UTRN: variants seen among roughly 807,000 people sequenced by gnomAD.
UTRN encodes the protein utrophin, also known as dystrophin-related protein 1.
In UTRN, 283 loss-of-function variants were observed where a neutral mutation model predicts 463.9. The ratio of observed to expected loss-of-function variants is 0.61; its 90% CI spans 0.55 to 0.67. The LOEUF (loss-of-function observed/expected upper bound fraction) is 0.67, where lower values mean the gene tolerates loss of function less well. Among genes scored for constraint, UTRN ranks in the 30% least tolerant of loss-of-function variants. The pLI is 0.00. For missense variants in UTRN, 3,922 were observed against 4,084.3 expected (o/e 0.96, Z 1.08); for synonymous variants, 1,442 against 1,431.5 (o/e 1.01, Z -0.17).
intron 51 of UTRN, among the ~76,000 whole-genome samples, chr6:144,629,141 T>A (rs1425911495): frequency 1.3e-5 from 2 of 152,234 alleles, no homozygotes; most frequent in African/African-American, 2.4e-5. Flanking sequence ...TCTTCATTGC[T>A]TACCTTGAAT....
intron 33 of UTRN, among the ~76,000 whole-genome samples, chr6:144,495,051 C>G (rs989903344): frequency 7.9e-5 from 12 of 152,176 alleles, no homozygotes; most frequent in Non-Finnish European, 1.5e-4. Context: ...AGACTCTCCA[C>G]GTCCCCACCA....
At chr6:144,839,046 A>G in intron 71 of UTRN, 127 bp from the exon 72 acceptor site, 1 of 647,090 alleles carries the variant, frequency 1.5e-6, no homozygotes, top group Non-Finnish European at 2.5e-6. Context: ...TATGGAAAAC[A>G]TCTGAAGGCA....
rs1789751893 is a variant in UTRN at position 144,464,667 on chromosome 6, AG to A, written c.3066+1803del. 1.3e-5 allele frequency among the ~76,000 whole-genome samples: 2 copies of A among 151,964 alleles called. 1 individual carries two copies. The highest frequency in any genetic ancestry group is 4.1e-4 in the South Asian group (2 of 4,822). On this transcript the variant is annotated intron_variant, in intron 23 of 74. Coordinates refer to ENST00000367545, the MANE Select transcript of UTRN (RefSeq NM_007124.3). The stretch of plus-strand genomic sequence containing the variant: ...AGGCACATGCCACTATGCCCGGCTA[AG>A]GTTTTATTTTTAGTAGAGATGAGGT...
chr6:144,778,499 A>G (rs1167864001), intron 60 of UTRN, among the ~76,000 whole-genome samples: 1 of 152,096 alleles, frequency 6.6e-6, no homozygotes, highest in Admixed American at 6.5e-5. Flanking sequence ...AAGCAATAAT[A>G]GAAGTAAGAG....
chr6:144,402,204 G>A (rs574521617), intron 2 of UTRN, among the ~76,000 whole-genome samples: 42 of 152,258 alleles, frequency 2.8e-4, no homozygotes, highest in Admixed American at 1.6e-3. Flanking sequence ...CCAGCTCTTC[G>A]TCAAGTGCTT....
chr6:144,524,372 G>T (rs921814297), intron 41 of UTRN, among the ~76,000 whole-genome samples: 2 of 151,438 alleles, frequency 1.3e-5, no homozygotes, highest in Non-Finnish European at 2.9e-5. Context: ...CTATACCCCT[G>T]CCAACAGTAT....
In UTRN at chr6:144,453,608, A is replaced by G. The variant is rs76563055; in HGVS notation, c.2197-174A>G. ...ATAGGAGCTTATAATTATGAGGTAC[A>G]TTTTTTTTCTTACAAAAGAAACCAA... On this transcript the variant is annotated intron_variant, in intron 18 of 74. Coordinates refer to ENST00000367545, the MANE Select transcript of UTRN (RefSeq NM_007124.3). Among the ~76,000 whole-genome samples, 274 of 152,206 alleles carry G rather than the reference A, an allele frequency of 1.8e-3. 2 individuals carry two copies. Among genetic ancestry groups the G allele is most frequent in the African/African-American group, 6.4e-3 (266 of 41,536 alleles).
At chr6:144,640,042 G>A (rs1171790285) in intron 51 of UTRN, among the ~76,000 whole-genome samples, 8 of 151,918 alleles carry the variant, frequency 5.3e-5, no homozygotes, top group Admixed American at 5.2e-4. Context: ...AAGTGTTTTT[G>A]GTTTTGAGAG....
chr6:144,524,987 A>G (rs1191252761), intron 41 of UTRN, among the ~76,000 whole-genome samples: 1 of 152,162 alleles, frequency 6.6e-6, no homozygotes, highest in African/African-American at 2.4e-5. Flanking sequence ...TATGTGGTGT[A>G]TCACATTTAT....
intron 3 of UTRN, among the ~76,000 whole-genome samples, chr6:144,417,550 TTA>T (rs1263016339): frequency 2.4e-4 from 37 of 152,224 alleles, no homozygotes; most frequent in African/African-American, 7.7e-4. Flanking sequence ...CTTGCTATCA[TTA>T]TGTCTAAGAA....
intron 51 of UTRN, among the ~76,000 whole-genome samples, chr6:144,631,955 C>T (rs1776573550): frequency 6.6e-6 from 1 of 152,038 alleles, no homozygotes; most frequent in African/African-American, 2.4e-5. Context: ...ACATTGCTAC[C>T]CTTTGGATGT....
At chr6:144,829,710 A>C (rs1436972276) in intron 69 of UTRN, among the ~76,000 whole-genome samples, 1 of 118,288 alleles carries the variant, frequency 8.5e-6, no homozygotes, top group African/African-American at 2.8e-5. Flanking sequence ...TGTTTTCACT[A>C]AAAAAAAAAA....
intron 2 of UTRN, among the ~76,000 whole-genome samples, chr6:144,321,574 A>T (rs572546502): frequency 1.2e-4 from 17 of 146,012 alleles, no homozygotes; most frequent in Non-Finnish European, 2.2e-4. Context: ...GGTTCAAGCG[A>T]TTCTCCTGCC....
chr6:144,414,150 A>G (rs1237066731), intron 3 of UTRN, among the ~76,000 whole-genome samples: 1 of 151,946 alleles, frequency 6.6e-6, no homozygotes. Context: ...AAAGTTAACT[A>G]CAAAACAGCC....
At chr6:144,483,235 A>T (rs1008715970) in intron 27 of UTRN, among the ~76,000 whole-genome samples, 1 of 152,200 alleles carries the variant, frequency 6.6e-6, no homozygotes, top group Non-Finnish European at 1.5e-5. Flanking sequence ...TATATCATTG[A>T]GGCAAGTTAG....
chr6:144,662,048 CAAAG>C (rs1200485605), intron 51 of UTRN, among the ~76,000 whole-genome samples: 2 of 152,012 alleles, frequency 1.3e-5, no homozygotes, highest in African/African-American at 4.8e-5. Flanking sequence ...AAGGCGAACT[CAAAG>C]AAACAGTCCT....
intron 53 of UTRN, 38 bp downstream of exon 53, chr6:144,700,281 T>G: frequency 6.4e-7 from 1 of 1,558,848 alleles, no homozygotes; most frequent in South Asian, 1.2e-5. Flanking sequence ...TTAATTCAAA[T>G]TCTAGTGAGG....
chr6:144,752,477 C>T (rs906326546), intron 56 of UTRN, among the ~76,000 whole-genome samples: 1 of 151,920 alleles, frequency 6.6e-6, no homozygotes, highest in African/African-American at 2.4e-5. Context: ...TTTAAATATG[C>T]AATTTTGATG....
At chr6:144,682,878 C>G (rs1782354421) in intron 52 of UTRN, among the ~76,000 whole-genome samples, 1 of 152,078 alleles carries the variant, frequency 6.6e-6, no homozygotes, top group South Asian at 2.1e-4. Flanking sequence ...TAATTGTTAG[C>G]TATTATTATT....
Sources: gnomAD v4.1 joint callset for allele counts (sites outside exome capture counted in the v4.1 genomes callset) on GRCh38, gnomAD v4.1.1 for gene constraint, MANE v1.5 for transcripts, NCBI Gene and HGNC (gene_info 2026-07-23, HGNC 2026-07-21) for gene names.